The following C10orf90 variants were observed in gnomAD, a reference collection of about 807,000 sequenced individuals.
C10orf90 encodes the protein chromosome 10 open reading frame 90, also known as (E2-independent) E3 ubiquitin-conjugating enzyme FATS.
C10orf90 carries 56 observed loss-of-function variants against 62.5 expected under a neutral mutation model. The ratio of observed to expected loss-of-function variants is 0.90; its 90% CI spans 0.72 to 1.12. The LOEUF is 1.12. C10orf90 is among the 50% of genes most tolerant of loss of function. The pLI is 0.00. For synonymous variants in C10orf90, 386 were observed against 340.4 expected (o/e 1.13, Z -1.47); for missense variants, 970 against 880.4 (o/e 1.10, Z -1.29).
rs138477661 is a variant in C10orf90 at position 126,521,467 on chromosome 10, C to T, written c.314-7528G>A. 1,775 of 1,478,826 alleles carry T rather than the reference C, an allele frequency of 1.2e-3. 4 individuals are homozygous for T. The highest frequency in any genetic ancestry group is 1.5e-3 in the Non-Finnish European group (1,647 of 1,122,362). 91.6% of individuals were successfully genotyped at this position (1,478,826 alleles called of 1,614,324 possible). A position where few individuals can be genotyped will look rare whatever the true frequency, so the allele number is the denominator to read the frequency against. ...GAGTCAGGCTTCCACCTTCCAGCCT[C>T]GGCCAAAGAACCTCAAAGCTCTATA... On this transcript the variant is annotated intron_variant, in intron 2 of 9. Coordinates refer to ENST00000488181, the MANE Select transcript of C10orf90 (RefSeq NM_001350921.2).
chr10:126,561,979 G>A (rs894932030), intron 2 of C10orf90, among the ~76,000 whole-genome samples: 1 of 152,160 alleles, frequency 6.6e-6, no homozygotes, highest in Admixed American at 6.5e-5. Context: ...AAGATCTTGG[G>A]CCTGACATGA....
At chr10:126,665,223 C>A (rs193183782) in intron 1 of C10orf90, among the ~76,000 whole-genome samples, 1 of 152,180 alleles carries the variant, frequency 6.6e-6, no homozygotes, top group East Asian at 1.9e-4. Context: ...AAGCACATCA[C>A]AGCAAAAATA....
chr10:126,643,331 A>T, intron 2 of C10orf90, among the ~76,000 whole-genome samples: 1 of 152,286 alleles, frequency 6.6e-6, no homozygotes, highest in Middle Eastern at 3.4e-3. Flanking sequence ...CCATTCCTGC[A>T]TGGGGATGAT....
intron 2 of C10orf90, among the ~76,000 whole-genome samples, chr10:126,579,360 C>A (rs7087135): frequency 0.6 from 89,793 of 150,706 alleles, 27,177 homozygotes; most frequent in African/African-American, 0.69. Context: ...CATGCCTCAA[C>A]CTCCCGAGTA....
intron 2 of C10orf90, among the ~76,000 whole-genome samples, chr10:126,585,070 A>G (rs570779785): frequency 1.3e-5 from 2 of 152,064 alleles, no homozygotes; most frequent in East Asian, 3.9e-4. Flanking sequence ...TGGAGGTTGG[A>G]TGGAGGGGTC....
rs1222226428 is a variant in C10orf90 at position 126,456,447 on chromosome 10, T to C, written c.2188+2593A>G. 1.3e-5 allele frequency among the ~76,000 whole-genome samples: 2 copies of C among 152,224 alleles called. No homozygotes were observed. Among genetic ancestry groups the C allele is most frequent in the South Asian group, 2.1e-4 (1 of 4,836 alleles). ...AGTAAAAGGTACTCAGTTAACATTCTGAACTGAGCCTGGTTACCTTTTATT... is the reference window on the plus strand; with the variant it reads ...AGTAAAAGGTACTCAGTTAACATTCCGAACTGAGCCTGGTTACCTTTTATT... On this transcript the variant is annotated intron_variant, in intron 7 of 9. Coordinates refer to ENST00000488181, the MANE Select transcript of C10orf90 (RefSeq NM_001350921.2). This position sits in a 1 kb window ranked among gnomAD's most constrained non-coding sequence, Gnocchi z 4.9.
chr10:126,484,744 T>A (rs1160887356), intron 4 of C10orf90, among the ~76,000 whole-genome samples: 1 of 152,146 alleles, frequency 6.6e-6, no homozygotes, highest in Non-Finnish European at 1.5e-5. Context: ...TAAACATAGG[T>A]ATAGTCAAAG....
chr10:126,456,773 G>A lies in C10orf90; in HGVS notation c.2188+2267C>T, dbSNP rs1419401722. 1.3e-5 allele frequency among the ~76,000 whole-genome samples: 2 copies of A among 152,126 alleles called. No individual in the cohort carries two copies. Among genetic ancestry groups the A allele is most frequent in the Non-Finnish European group, 2.9e-5 (2 of 68,020 alleles). On this transcript the variant is annotated intron_variant, in intron 7 of 9. Coordinates refer to ENST00000488181, the MANE Select transcript of C10orf90 (RefSeq NM_001350921.2). The surrounding 1 kb of genome is among the most constrained non-coding windows in gnomAD (Gnocchi z 4.9). ...ACAGACGCAGGGAGGATGGCCATGT[G>A]GAGACAGAGGCAGAGACTGTAGTGC...
intron 2 of C10orf90, among the ~76,000 whole-genome samples, chr10:126,553,432 T>C (rs1021649109): frequency 6.6e-6 from 1 of 152,162 alleles, no homozygotes; most frequent in East Asian, 1.9e-4. Context: ...TACAATCTTG[T>C]ACCACATAAT....
At chr10:126,466,997 C>A (rs1479934710) in intron 4 of C10orf90, among the ~76,000 whole-genome samples, 1 of 152,170 alleles carries the variant, frequency 6.6e-6, no homozygotes, top group Non-Finnish European at 1.5e-5. Flanking sequence ...CTGACAGAAT[C>A]AAAAACCAAA....
chr10:126,478,768 CT>C (rs1346296892), intron 4 of C10orf90, among the ~76,000 whole-genome samples: 1 of 152,124 alleles, frequency 6.6e-6, no homozygotes, highest in Non-Finnish European at 1.5e-5. Flanking sequence ...TCCAACACCC[CT>C]GGCCTTGGTC....
chr10:126,529,877 G>T (rs4581359), intron 2 of C10orf90, among the ~76,000 whole-genome samples: 135,388 of 152,258 alleles, frequency 0.89, 60,408 homozygotes, highest in African/African-American at 0.96. Flanking sequence ...ATCTAATACT[G>T]CATTAAGATG....
At chr10:126,619,868 T>C (rs937124478) in intron 2 of C10orf90, among the ~76,000 whole-genome samples, 2 of 152,170 alleles carry the variant, frequency 1.3e-5, no homozygotes, top group African/African-American at 4.8e-5. Flanking sequence ...CTCGAGCTCC[T>C]GGGATCCGCC....
At chr10:126,621,233 T>G (rs1269326005) in intron 2 of C10orf90, among the ~76,000 whole-genome samples, 1 of 152,236 alleles carries the variant, frequency 6.6e-6, no homozygotes, top group Non-Finnish European at 1.5e-5. Context: ...CATATAAACT[T>G]AGATTTTACT....
At chr10:126,655,834 C>CAAAAAAAAAAAAAAAAAAAAAAA (rs1195360598) in intron 1 of C10orf90, among the ~76,000 whole-genome samples, 1 of 126,498 alleles carries the variant, frequency 7.9e-6, no homozygotes, top group African/African-American at 2.8e-5. Flanking sequence ...CAAAACAAAA[C>CAAAAAAAAAAAAAAAAAAAAAAA]AAAACAAAAA....
In C10orf90 at chr10:126,650,799, A is replaced by T. The variant is rs188343921; in HGVS notation, c.241-4162T>A. ...ATAACAAAACTCAGGCCCAGAAAGG[A>T]TAAGAAACCTAAGTGTCCAAGAACA... On this transcript the variant is annotated intron_variant, in intron 1 of 9. Transcript: ENST00000488181. Among the ~76,000 whole-genome samples, 12 of 152,318 alleles carry T rather than the reference A, an allele frequency of 7.9e-5. No individual in the cohort carries two copies. The East Asian group carries it at 2.3e-3, about 29-fold the overall frequency.
intron 4 of C10orf90, among the ~76,000 whole-genome samples, chr10:126,498,458 C>T (rs1344894831): frequency 6.6e-6 from 1 of 152,196 alleles, no homozygotes. Context: ...GTGCTAAGGT[C>T]TATAGCCCTC....
intron 4 of C10orf90, among the ~76,000 whole-genome samples, chr10:126,476,561 G>A (rs560275696): frequency 3.8e-4 from 58 of 152,320 alleles, no homozygotes; most frequent in African/African-American, 1.3e-3. Context: ...GTGACTGCGA[G>A]GCTTAGACAT....
At chr10:126,550,091 G>A (rs953553457) in intron 2 of C10orf90, among the ~76,000 whole-genome samples, 2 of 151,830 alleles carry the variant, frequency 1.3e-5, no homozygotes, top group African/African-American at 4.8e-5. Context: ...GAGTAGCTGG[G>A]ATTACAGGCA....
Sources: allele counts gnomAD v4.1 joint callset (sites outside exome capture counted in the v4.1 genomes callset), GRCh38; gene constraint gnomAD v4.1.1; non-coding constraint Gnocchi (gnomAD v3.1); transcripts MANE v1.5; gene names NCBI Gene and HGNC (gene_info 2026-07-23, HGNC 2026-07-21).